The following ERC2 variants were observed in gnomAD, a reference collection of about 807,000 sequenced individuals.
ERC2 encodes ELKS/RAB6-interacting/CAST family member 2.
A neutral mutation model predicts 114.8 loss-of-function variants in ERC2; 42 were observed. The observed-to-expected ratio is 0.37, with a 90% confidence interval of 0.29 to 0.47. The LOEUF (loss-of-function observed/expected upper bound fraction) is 0.47, where lower values mean the gene tolerates loss of function less well. ERC2 is among the 20% of genes least tolerant of loss of function. The probability of loss-of-function intolerance (pLI) is 0.99; values close to 1 mark genes in which losing one functional copy is unlikely to be tolerated. For synonymous variants in ERC2, 454 were observed against 425.5 expected, an observed-to-expected ratio of 1.07 and a Z score of -0.82; for missense variants, 939 against 1,150.7, an observed-to-expected ratio of 0.82 and a Z score of 2.66.
chr3:55,798,571 A>G (rs2070708303), intron 14 of ERC2, among the ~76,000 whole-genome samples: 2 of 151,128 alleles, frequency 1.3e-5, no homozygotes, highest in South Asian at 4.2e-4. Flanking sequence ...GCACTATAGT[A>G]TGGGTGACAG....
At chr3:55,759,473 A>AAC (rs1559609832) in intron 14 of ERC2, among the ~76,000 whole-genome samples, 4 of 98,898 alleles carry the variant, frequency 4.0e-5, no homozygotes, top group African/African-American at 8.4e-5. Flanking sequence ...AAAAAAAAAA[A>AAC]AAAAAAAAAA....
At chr3:55,961,253 A>G (rs1320160367) in intron 12 of ERC2, among the ~76,000 whole-genome samples, 3 of 152,112 alleles carry the variant, frequency 2.0e-5, no homozygotes, top group South Asian at 4.1e-4. Flanking sequence ...GCCAAGCCCT[A>G]TAGTCCTCTG....
At chr3:55,997,756 G>T (rs11720753) in intron 10 of ERC2, among the ~76,000 whole-genome samples, 36 of 149,878 alleles carry the variant, frequency 2.4e-4, no homozygotes, top group Non-Finnish European at 4.6e-4. Flanking sequence ...AAAACTTTAG[G>T]TTCCTAATTT....
chr3:55,992,479 T>C (rs1403822453), intron 10 of ERC2, among the ~76,000 whole-genome samples: 1 of 152,212 alleles, frequency 6.6e-6, no homozygotes, highest in African/African-American at 2.4e-5. Flanking sequence ...TCTTCAATTA[T>C]TGATATTTTG....
At chr3:56,299,578 C>A (rs368224019) in intron 2 of ERC2, among the ~76,000 whole-genome samples, 2 of 151,740 alleles carry the variant, frequency 1.3e-5, no homozygotes, top group African/African-American at 2.4e-5. Context: ...TATAGGTGTG[C>A]GCCACCACAC....
chr3:56,194,404 A>G (rs532955474), intron 3 of ERC2, among the ~76,000 whole-genome samples: 1 of 152,260 alleles, frequency 6.6e-6, no homozygotes, highest in South Asian at 2.1e-4. Flanking sequence ...TATAAGAGAA[A>G]CGGCAGGCAC....
intron 17 of ERC2, among the ~76,000 whole-genome samples, chr3:55,599,128 A>G (rs905600812): frequency 6.6e-6 from 1 of 152,244 alleles, no homozygotes; most frequent in African/African-American, 2.4e-5. Context: ...TTTCTCTTCA[A>G]ATAAATGGCT....
At chr3:56,217,670 T>C (rs905375435) in intron 3 of ERC2, among the ~76,000 whole-genome samples, 5 of 152,124 alleles carry the variant, frequency 3.3e-5, no homozygotes, top group African/African-American at 1.2e-4. Context: ...AAAAACAGCC[T>C]GCATTGCCAA....
rs573322621 is a variant in ERC2, at chr3:56,327,287, A to AAGGAGAAT, written c.658-30860_658-30853dup. On this transcript the variant is annotated intron_variant, in intron 2 of 17. Transcript: ENST00000288221. ...GGTACCTTCTTCACAAGGCAGCAGG[A>AAGGAGAAT]AGGAGAATTAATGCAGAAGGAACTA... 5.3e-5 allele frequency among the ~76,000 whole-genome samples: 8 copies of AAGGAGAAT among 152,344 alleles called. No homozygotes were observed. The East Asian group carries it at 1.5e-3, about 29-fold the overall frequency.
intron 3 of ERC2, among the ~76,000 whole-genome samples, chr3:56,179,669 G>T (rs1200699200): frequency 6.6e-6 from 1 of 151,768 alleles, no homozygotes; most frequent in Non-Finnish European, 1.5e-5. Flanking sequence ...AGAAGCAAAA[G>T]ATGGCTCCAA....
At position 55,635,861 on chromosome 3, in the gene ERC2, T is replaced by A. The variant is rs191900818; in HGVS notation, c.*39+47933A>T. Among the ~76,000 whole-genome samples the A allele has an allele frequency of 2.5e-3, 378 of 150,620 alleles. 2 individuals carry two copies. The highest frequency in any genetic ancestry group is 9.2e-3 in the African/African-American group (373 of 40,524). On this transcript the variant is annotated intron_variant, in intron 17 of 17. Transcript: ENST00000288221. ...TCAGAGATTTTTTAATTTTTATTTT[T>A]ATTTTATTTTATTTTATTTTATTTT...
intron 3 of ERC2, among the ~76,000 whole-genome samples, chr3:56,246,779 T>C (rs1005186623): frequency 6.6e-6 from 1 of 152,188 alleles, no homozygotes; most frequent in Admixed American, 6.5e-5. Context: ...CTTCCCTACT[T>C]AGTGTCCTGA....
At chr3:55,525,476 C>A (rs925709224) in intron 17 of ERC2, among the ~76,000 whole-genome samples, 1 of 152,270 alleles carries the variant, frequency 6.6e-6, no homozygotes, top group African/African-American at 2.4e-5. Context: ...GGCCAGCAAA[C>A]ATTCCTCATA....
At chr3:56,416,580 C>T (rs761192769) in intron 2 of ERC2, among the ~76,000 whole-genome samples, 1 of 150,630 alleles carries the variant, frequency 6.6e-6, no homozygotes, top group Non-Finnish European at 1.5e-5. Context: ...ACCACAAGAA[C>T]GCAAATTCCA....
At chr3:56,226,877 T>C (rs1277027997) in intron 3 of ERC2, among the ~76,000 whole-genome samples, 1 of 152,198 alleles carries the variant, frequency 6.6e-6, no homozygotes, top group Non-Finnish European at 1.5e-5. Context: ...AATGTTTTAA[T>C]TTGCTGTATT....
intron 7 of ERC2, among the ~76,000 whole-genome samples, chr3:56,064,387 C>T (rs901711303): frequency 1.3e-5 from 2 of 152,190 alleles, no homozygotes; most frequent in African/African-American, 4.8e-5. Context: ...TGCCGCCCTT[C>T]ATAAACTTTT....
chr3:55,798,289 T>C lies in ERC2; in HGVS notation c.2565-63371A>G, dbSNP rs529603904. ...ACCACAGAGCATTAAAGAAAAAAGA[T>C]CTTAGAAATAATCACAGAGGGGCTG... On this transcript the variant is annotated intron_variant, in intron 14 of 17. Transcript: ENST00000288221. Among the ~76,000 whole-genome samples, 8 of 152,130 alleles carry C rather than the reference T, an allele frequency of 5.3e-5. No homozygotes were observed. The East Asian group carries it at 9.7e-4, about 18-fold the overall frequency.
chr3:56,364,444 T>G (rs1442456302), intron 2 of ERC2, among the ~76,000 whole-genome samples: 2 of 152,232 alleles, frequency 1.3e-5, no homozygotes, highest in South Asian at 2.1e-4. Flanking sequence ...AAATTAATAA[T>G]GTAACATACC....
chr3:55,958,627 C>A (rs1397240097), intron 12 of ERC2, among the ~76,000 whole-genome samples: 1 of 152,210 alleles, frequency 6.6e-6, no homozygotes, highest in Admixed American at 6.5e-5. Context: ...ATCCTCAGCA[C>A]CCCTGGCCTC....
Sources: gnomAD v4.1 joint callset for allele counts (sites outside exome capture counted in the v4.1 genomes callset) on GRCh38, gnomAD v4.1.1 for gene constraint, MANE v1.5 for transcripts, NCBI Gene and HGNC (gene_info 2026-07-23, HGNC 2026-07-21) for gene names.